Variants in LINGO1 observed in about 807,000 individuals in gnomAD.
LINGO1 encodes leucine-rich repeat and immunoglobulin-like domain-containing nogo receptor-interacting protein 1.
Under a neutral mutation model 37.3 loss-of-function variants are expected in LINGO1, and 11 were observed. The ratio of observed to expected loss-of-function variants is 0.29; its 90% confidence interval spans 0.19 to 0.49. The LOEUF (loss-of-function observed/expected upper bound fraction) is 0.49, where lower values mean the gene tolerates loss of function less well. Ranked by LOEUF, LINGO1 falls within the 20% of genes least tolerant of loss-of-function variation. The probability of loss-of-function intolerance (pLI) is 0.99; values close to 1 mark genes in which losing one functional copy is unlikely to be tolerated. For missense variants in LINGO1, 585 were observed against 878.2 expected, an observed-to-expected ratio of 0.67 and a Z score of 4.22; for synonymous variants, 387 against 403.0, an observed-to-expected ratio of 0.96 and a Z score of 0.48.
chr15:77,616,481 C>G (rs1449317336), intron 1 of LINGO1, among the ~76,000 whole-genome samples: 2 of 152,224 alleles, frequency 1.3e-5, no homozygotes, highest in Non-Finnish European at 2.9e-5. Flanking sequence ...ACGCCATGCC[C>G]CCTCCCCATC....
chr15:77,620,613 G>T (rs2073888032), intron 1 of LINGO1, among the ~76,000 whole-genome samples: 1 of 152,234 alleles, frequency 6.6e-6, no homozygotes, highest in Admixed American at 6.5e-5. Context: ...CAGTGTCCCT[G>T]AGGGTGCTGC....
chr15:77,722,319 C>T (rs1567547392), intron 2 of LINGO1, among the ~76,000 whole-genome samples: 1 of 152,200 alleles, frequency 6.6e-6, no homozygotes, highest in East Asian at 1.9e-4. Flanking sequence ...TAGACTGTCC[C>T]CCAACAAAAA....
At chr15:77,732,796 C>T (rs895709123) in intron 2 of LINGO1, among the ~76,000 whole-genome samples, 13 of 152,344 alleles carry the variant, frequency 8.5e-5, no homozygotes, top group African/African-American at 3.1e-4. Context: ...GCCTCCTTCC[C>T]GGCTCCCATG....
At chr15:77,820,332 C>T (rs979213546) in exon 1 of LINGO1, 2 of 152,388 alleles carry the variant, frequency 1.3e-5, no homozygotes, top group Non-Finnish European at 2.9e-5. Flanking sequence ...GGCGGTGGCA[C>T]AGCCGGGGCC....
At chr15:77,692,938 A>G (rs1039198239) in intron 1 of LINGO1, among the ~76,000 whole-genome samples, 2 of 152,246 alleles carry the variant, frequency 1.3e-5, no homozygotes, top group Non-Finnish European at 1.5e-5. Flanking sequence ...ACTGAACACG[A>G]AACGCCTGTG....
At chr15:77,712,207 TC>T (rs2141294322) in intron 2 of LINGO1, among the ~76,000 whole-genome samples, 1 of 152,188 alleles carries the variant, frequency 6.6e-6, no homozygotes, top group East Asian at 1.9e-4. Flanking sequence ...GCAGCCTCTA[TC>T]CCAGGCCACA....
At chr15:77,736,797 A>G (rs922675301) in intron 1 of LINGO1, among the ~76,000 whole-genome samples, 1 of 152,182 alleles carries the variant, frequency 6.6e-6, no homozygotes, top group African/African-American at 2.4e-5. Flanking sequence ...CCAAAAAGAA[A>G]GAAAAGAAAA....
intron 1 of LINGO1, among the ~76,000 whole-genome samples, chr15:77,629,566 G>A (rs2074192691): frequency 6.6e-6 from 1 of 152,184 alleles, no homozygotes; most frequent in Non-Finnish European, 1.5e-5. Flanking sequence ...GGGCTACTGA[G>A]TACCCTGTCT....
intron 3 of LINGO1, among the ~76,000 whole-genome samples, chr15:77,676,754 A>C (rs1250605694): frequency 6.6e-6 from 1 of 152,212 alleles, no homozygotes; most frequent in African/African-American, 2.4e-5. Context: ...GGCGCAAAAC[A>C]AAGCCTGAGC....
upstream of LINGO1, among the ~76,000 whole-genome samples, chr15:77,635,548 G>A (rs2074379623): frequency 6.6e-6 from 1 of 152,202 alleles, no homozygotes; most frequent in African/African-American, 2.4e-5. Flanking sequence ...GGATGGCCTA[G>A]TCCAAGTGTG....
chr15:77,643,234 G>A (rs925999405), intron 3 of LINGO1, among the ~76,000 whole-genome samples: 5 of 152,242 alleles, frequency 3.3e-5, no homozygotes, highest in African/African-American at 4.8e-5. Flanking sequence ...TGTCTTTCAG[G>A]TCCCCTGGAT....
chr15:77,762,532 G>A (rs539729363), intron 1 of LINGO1, among the ~76,000 whole-genome samples: 92 of 152,262 alleles, frequency 6.0e-4, no homozygotes, highest in African/African-American at 2.1e-3. Context: ...GTGGCCCTGG[G>A]CAGAGCCAAG....
intron 1 of LINGO1, chr15:77,784,771 G>T (rs554496594): frequency 6.6e-6 from 1 of 152,258 alleles, no homozygotes; most frequent in East Asian, 1.9e-4. Context: ...GGTAGGGCTT[G>T]GCTGGGGCCA....
chr15:77,715,849 G>A (rs1232472466), intron 2 of LINGO1, among the ~76,000 whole-genome samples: 1 of 152,200 alleles, frequency 6.6e-6, no homozygotes, highest in Non-Finnish European at 1.5e-5. Flanking sequence ...CTCCAGGAAG[G>A]TGTCCCTGGC....
intron 3 of LINGO1, among the ~76,000 whole-genome samples, chr15:77,669,844 A>G (rs1298393067): frequency 6.6e-6 from 1 of 152,246 alleles, no homozygotes; most frequent in Non-Finnish European, 1.5e-5. Flanking sequence ...CTTACGGCCC[A>G]GCAACTTAGC....
At chr15:77,629,752 T>C (rs2074198193) in intron 1 of LINGO1, among the ~76,000 whole-genome samples, 1 of 152,058 alleles carries the variant, frequency 6.6e-6, no homozygotes, top group Admixed American at 6.5e-5. Flanking sequence ...CTCAGGGTGT[T>C]CAAGGCAGAT....
upstream of LINGO1, among the ~76,000 whole-genome samples, chr15:77,635,436 G>A (rs558394336): frequency 6.6e-6 from 1 of 152,238 alleles, no homozygotes; most frequent in East Asian, 1.9e-4. Flanking sequence ...AGTTACCTCT[G>A]CATGAGCTGT....
At chr15:77,756,294 C>T (rs1010204284) in intron 1 of LINGO1, among the ~76,000 whole-genome samples, 1 of 152,150 alleles carries the variant, frequency 6.6e-6, no homozygotes, top group African/African-American at 2.4e-5. Context: ...CATTAAGGTC[C>T]ACAAGGAAGA....
chr15:77,723,636 C>T (rs1162566900), intron 2 of LINGO1, among the ~76,000 whole-genome samples: 2 of 152,156 alleles, frequency 1.3e-5, no homozygotes, highest in Non-Finnish European at 2.9e-5. Context: ...TGGACCCGGG[C>T]CCCACCCTAG....
Sources: gnomAD v4.1 joint callset for allele counts (sites outside exome capture counted in the v4.1 genomes callset) on GRCh38, gnomAD v4.1.1 for gene constraint, MANE v1.5 for transcripts, NCBI Gene and HGNC (gene_info 2026-07-23, HGNC 2026-07-21) for gene names.